Variants in LOC400499 observed in about 807,000 individuals in gnomAD.
the LOC400499 span, among the ~76,000 whole-genome samples, chr16:11,445,089 TAA>T: frequency 2.1e-5 from 3 of 143,556 alleles, no homozygotes; most frequent in Non-Finnish European, 3.0e-5. Flanking sequence ...ACTTTGTCTT[TAA>T]AAAAAAAAAA....
At chr16:11,452,843 T>C in the LOC400499 span, among the ~76,000 whole-genome samples, 1 of 152,362 alleles carries the variant, frequency 6.6e-6, no homozygotes, top group East Asian at 1.9e-4. Flanking sequence ...TTCTTCTTCC[T>C]CAACTCTTCA....
the LOC400499 span, among the ~76,000 whole-genome samples, chr16:11,406,909 C>T: frequency 5.9e-5 from 9 of 152,274 alleles, no homozygotes; most frequent in East Asian, 5.8e-4. Flanking sequence ...TGTGTGATTT[C>T]GGGGAGTCAA....
At chr16:11,516,220 C>T in the LOC400499 span, 2 of 399,598 alleles carry the variant, frequency 5.0e-6, no homozygotes, top group Non-Finnish European at 4.4e-6. Context: ...CGTTCAGCAC[C>T]CAGCGTGGCT....
At chr16:11,502,175 C>T in the LOC400499 span, 2 of 399,122 alleles carry the variant, frequency 5.0e-6, no homozygotes, top group East Asian at 3.6e-5. Context: ...GGAACAAGTC[C>T]ATGGCCTGCG....
the LOC400499 span, chr16:11,516,098 T>C: frequency 5.4e-4 from 214 of 399,308 alleles, no homozygotes; most frequent in Middle Eastern, 6.2e-4. Flanking sequence ...GTCAACCTTC[T>C]GGCCACCTCT....
chr16:11,489,820 A>C, the LOC400499 span, among the ~76,000 whole-genome samples: 2 of 152,178 alleles, frequency 1.3e-5, no homozygotes, highest in African/African-American at 4.8e-5. Context: ...CAGCAACGTC[A>C]CATCAGACTT....
the LOC400499 span, chr16:11,508,770 G>A: frequency 2.5e-5 from 10 of 398,978 alleles, no homozygotes; most frequent in Non-Finnish European, 4.4e-5. Flanking sequence ...TGGCTGCGGT[G>A]GCCACCATGG....
chr16:11,447,792 G>T, the LOC400499 span: 2 of 1,177,198 alleles, frequency 1.7e-6, no homozygotes, highest in Non-Finnish European at 2.3e-6. Context: ...CTCTTCTCTG[G>T]GATTTAGGTT....
chr16:11,460,507 G>C, the LOC400499 span: 2 of 1,533,776 alleles, frequency 1.3e-6, no homozygotes, highest in African/African-American at 1.4e-5. Context: ...TCTGTGTGCA[G>C]TGGAGCTCGT....
the LOC400499 span, among the ~76,000 whole-genome samples, chr16:11,427,657 G>A: frequency 2.0e-5 from 3 of 151,832 alleles, no homozygotes; most frequent in Non-Finnish European, 4.4e-5. Flanking sequence ...TGTTGCCCAG[G>A]CTGGTCTGAA....
chr16:11,447,862 C>T, the LOC400499 span: 5 of 1,467,124 alleles, frequency 3.4e-6, no homozygotes, highest in East Asian at 2.6e-5. Flanking sequence ...ATCCTGTTCC[C>T]CCTGGGGATG....
At chr16:11,488,473 G>A in the LOC400499 span, among the ~76,000 whole-genome samples, 4 of 152,170 alleles carry the variant, frequency 2.6e-5, no homozygotes, top group African/African-American at 4.8e-5. Context: ...ACGCTGGAGT[G>A]CAGTGGTGCA....
chr16:11,440,944 AGGAAT>A, the LOC400499 span: 1 of 399,124 alleles, frequency 2.5e-6, no homozygotes, highest in Non-Finnish European at 4.4e-6. Flanking sequence ...CATACCTGGT[AGGAAT>A]GGGCCAAGTC....
chr16:11,409,037 G>A, the LOC400499 span, among the ~76,000 whole-genome samples: 5 of 151,884 alleles, frequency 3.3e-5, no homozygotes, highest in Non-Finnish European at 5.9e-5. Flanking sequence ...GAGGTGGGCA[G>A]ATCATTTGAG....
the LOC400499 span, chr16:11,462,304 C>G: frequency 6.8e-7 from 1 of 1,476,592 alleles, no homozygotes; most frequent in East Asian, 2.5e-5. Flanking sequence ...CACTCCAGCC[C>G]TGAAACGGCC....
At chr16:11,425,133 C>T in the LOC400499 span, 1 of 399,040 alleles carries the variant, frequency 2.5e-6, no homozygotes, top group Non-Finnish European at 4.4e-6. Context: ...ACCTGCATCA[C>T]TCAGCGTGCT....
At chr16:11,408,258 G>A in the LOC400499 span, among the ~76,000 whole-genome samples, 11 of 151,874 alleles carry the variant, frequency 7.2e-5, no homozygotes, top group Admixed American at 3.9e-4. Flanking sequence ...GCTGGATTAC[G>A]GGTGTGAGCT....
chr16:11,390,422 G>T, the LOC400499 span: 3 of 1,252,472 alleles, frequency 2.4e-6, no homozygotes, highest in East Asian at 3.0e-5. Context: ...AGGGGCCGCA[G>T]TGTCACCTCC....
At chr16:11,523,219 G>C in the LOC400499 span, among the ~76,000 whole-genome samples, 1 of 152,212 alleles carries the variant, frequency 6.6e-6, no homozygotes, top group South Asian at 2.1e-4. Context: ...CTCTGAGCTT[G>C]CTATTCATTT....
Sources: gnomAD v4.1 joint callset for allele counts (sites outside exome capture counted in the v4.1 genomes callset) on GRCh38, gnomAD v4.1.1 for gene constraint, MANE v1.5 for transcripts.